The following DST variants were observed in gnomAD, a reference collection of about 807,000 sequenced individuals.
DST encodes the protein dystonin.
A neutral mutation model predicts 875.2 loss-of-function variants in DST; 253 were observed. The observed-to-expected ratio is 0.29, with a 90% CI of 0.26 to 0.32. The LOEUF is 0.32. Among genes scored for constraint, DST ranks in the 10% least tolerant of loss-of-function variants. The pLI, the probability that DST is intolerant of heterozygous loss-of-function variation, is 1.00. For synonymous variants in DST, 3,124 were observed against 3,197.1 expected (o/e 0.98, Z 0.77); for missense variants, 8,287 against 9,111.6 (o/e 0.91, Z 3.68).
chr6:56,478,195 T>C (rs573318283), intron 90 of DST, among the ~76,000 whole-genome samples: 2 of 152,316 alleles, frequency 1.3e-5, no homozygotes, highest in East Asian at 3.9e-4. Context: ...AGGAGGTTAA[T>C]ATTTAAAATA....
chr6:56,526,635 G>A, intron 68 of DST, 68 bp from the exon 69 acceptor site: 2 of 1,436,178 alleles, frequency 1.4e-6, no homozygotes, highest in Non-Finnish European at 1.9e-6. Flanking sequence ...ACTGTTCTTG[G>A]AGCTCAAGTC....
intron 3 of DST, among the ~76,000 whole-genome samples, chr6:56,895,076 G>A (rs1367991842): frequency 9.6e-6 from 1 of 104,346 alleles, no homozygotes; most frequent in East Asian, 2.7e-4. Context: ...GCCGGGCAGA[G>A]GGGCTCCTCA....
chr6:56,654,586 CTA>C (rs138507484), intron 10 of DST, among the ~76,000 whole-genome samples: 146 of 132,460 alleles, frequency 1.1e-3, no homozygotes, highest in Admixed American at 1.0e-3. Flanking sequence ...CTCCCCTAGG[CTA>C]TATATATATA....
At chr6:56,742,377 C>G (rs751762190) in intron 4 of DST, 138 of 1,288,708 alleles carry the variant, frequency 1.1e-4, no homozygotes, top group Admixed American at 9.2e-5. Flanking sequence ...CCTAAACTCT[C>G]TCCGTACAAA....
Position 56,603,637 on chromosome 6 carries a change from T to G in DST, c.10868A>C (p.Lys3623Thr). 6.2e-7 allele frequency: 1 copy of G among 1,611,360 alleles called. No homozygotes were observed. The highest frequency in any genetic ancestry group is 2.2e-5 in the East Asian group (1 of 44,850). Reference protein sequence around the residue: ...HEYLTLLQDMKPPLDNQESLD... With the variant: ...HEYLTLLQDMTPPLDNQESLD... ...AGATTCCTGGTTGTCTAAGGGGGGT[T>G]TCATATCTTGAAGCAATGTCAAATA... is the stretch of plus-strand genomic sequence containing the variant. The change falls in exon 41 of 104, where the codon AAA (lysine) becomes ACA (threonine). Residue 3623 changes from lysine (K) to threonine (T), a missense_variant. Lys to Thr is a moderately conservative substitution (Grantham distance 78). Around this residue, in one of 10 missense-constraint regions of DST, gnomAD observed 3,138 missense variants for 3,116.6 expected, o/e 1.01. Coordinates refer to ENST00000680361, the MANE Select transcript of DST (RefSeq NM_001374736.1).
Position 56,458,936 on chromosome 6 carries a change from A to T in DST, c.*69T>A, listed in dbSNP as rs2094184957. 18 of 1,418,508 alleles carry T rather than the reference A, an allele frequency of 1.3e-5. No homozygotes were observed. In the South Asian group the frequency reaches 3.0e-4, roughly 24 times the overall value. 87.9% of individuals were successfully genotyped at this position (1,418,508 alleles called of 1,614,324 possible). On this transcript the variant is annotated 3_prime_UTR_variant, in exon 104 of 104. Coordinates refer to ENST00000680361, the MANE Select transcript of DST (RefSeq NM_001374736.1). ...TGCAATATTTCACAAGAATTTCTAC[A>T]CCATATTTTACATCGTTCAAACTTA...
chr6:56,512,820 T>C (rs1244754240), intron 72 of DST, among the ~76,000 whole-genome samples: 1 of 152,204 alleles, frequency 6.6e-6, no homozygotes, highest in Non-Finnish European at 1.5e-5. Flanking sequence ...AAGGGCTAAA[T>C]AAAGATGAAT....
chr6:56,627,371 C>CACAG, intron 33 of DST, 84 bp from the exon 34 acceptor site: 1 of 915,462 alleles, frequency 1.1e-6, no homozygotes, highest in Non-Finnish European at 1.8e-6. Flanking sequence ...TAAGACATAT[C>CACAG]TACATCACTT....
At chr6:56,897,678 G>T (rs1357165315) in intron 3 of DST, among the ~76,000 whole-genome samples, 1 of 152,114 alleles carries the variant, frequency 6.6e-6, no homozygotes, top group African/African-American at 2.4e-5. Context: ...AACCCTCTCA[G>T]ATTGTCTGTC....
intron 78 of DST, 37 bp downstream of exon 78, chr6:56,503,960 G>A (rs1243109560): frequency 1.4e-6 from 2 of 1,442,058 alleles, no homozygotes; most frequent in Admixed American, 1.9e-5. Flanking sequence ...ACTTAAAACT[G>A]CAAGGGAGTC....
chr6:56,554,891 C>A (rs149359332), intron 60 of DST, among the ~76,000 whole-genome samples: 250 of 152,240 alleles, frequency 1.6e-3, no homozygotes, highest in African/African-American at 5.8e-3. Context: ...AGAATTATAG[C>A]CACAGTGAGA....
chr6:56,800,960 C>T (rs1232244392), intron 4 of DST, among the ~76,000 whole-genome samples: 1 of 137,034 alleles, frequency 7.3e-6, no homozygotes, highest in African/African-American at 2.7e-5. Flanking sequence ...CTCAAGGCTA[C>T]AGTAAGCCAT....
In DST at chr6:56,607,451, A is replaced by G. The variant is rs1255097875; in HGVS notation, c.7177T>C (p.Phe2393Leu). 1.2e-6 allele frequency: 2 copies of G among 1,605,086 alleles called. No homozygotes were observed. Among genetic ancestry groups the G allele is most frequent in the East Asian group, 4.5e-5 (2 of 44,622 alleles). Residue 2393 changes from phenylalanine (F) to leucine (L), a missense_variant, in exon 40 of 104, where the codon TTT (phenylalanine) becomes CTT (leucine). Around this residue, in one of 10 missense-constraint regions of DST, gnomAD observed 3,138 missense variants for 3,116.6 expected, o/e 1.01. Transcript: ENST00000680361. Reference protein sequence around the residue: ...ECSHSKNIQNFPSDLIENPIM... With the variant: ...ECSHSKNIQNLPSDLIENPIM... ...GGATTTTCTATTAAATCACTTGGAA[A>G]GTTTTGAATGTTTTTAGAATGACTA...
chr6:56,902,608 C>T (rs1016470139), intron 2 of DST, among the ~76,000 whole-genome samples: 3 of 152,220 alleles, frequency 2.0e-5, no homozygotes, highest in Non-Finnish European at 4.4e-5. Flanking sequence ...TTGGCAAAAC[C>T]GAGGTCATTG....
chr6:56,779,688 T>C lies in DST; in HGVS notation c.626-44399A>G, dbSNP rs1488831891. Among the ~76,000 whole-genome samples, 3 of 151,824 alleles carry C rather than the reference T, an allele frequency of 2.0e-5. No individual in the cohort carries two copies. The East Asian group carries it at 5.8e-4, about 29-fold the overall frequency. On this transcript the variant is annotated intron_variant, in intron 4 of 103. Transcript: ENST00000680361. ...TTTGTCAGGTTTGTCAAAGATCAGATGGTTGTAGATATGTGGCATTAGTCT... is the reference window on the plus strand; with the variant it reads ...TTTGTCAGGTTTGTCAAAGATCAGACGGTTGTAGATATGTGGCATTAGTCT...
chr6:56,789,783 C>T (rs2099712720), intron 4 of DST, among the ~76,000 whole-genome samples: 1 of 152,162 alleles, frequency 6.6e-6, no homozygotes, highest in Non-Finnish European at 1.5e-5. Flanking sequence ...GTCCGAATTT[C>T]CTTCCTTTTT....
In DST at chr6:56,788,864, T is replaced by C. The variant is rs559713452; in HGVS notation, c.626-53575A>G. Among the ~76,000 whole-genome samples, 18 of 152,352 alleles carry C rather than the reference T, an allele frequency of 1.2e-4. No individual in the cohort carries two copies. In the East Asian group the frequency reaches 3.1e-3, roughly 26 times the overall value. On this transcript the variant is annotated intron_variant, in intron 4 of 103. Coordinates refer to ENST00000680361, the MANE Select transcript of DST (RefSeq NM_001374736.1). ...TGTTAAACTTTTGTAAGCATACTTA[T>C]ATTAAACTTGTTAAACTTTTGTACA...
At chr6:56,517,063 G>A (rs755272632) in intron 71 of DST, 135 bp downstream of exon 71, 1 of 693,256 alleles carries the variant, frequency 1.4e-6, no homozygotes, top group African/African-American at 1.8e-5. Context: ...CTTGAAAAAT[G>A]CCTTATTTAA....
intron 55 of DST, among the ~76,000 whole-genome samples, chr6:56,568,110 A>T (rs796227001): frequency 8.5e-5 from 13 of 152,326 alleles, no homozygotes; most frequent in African/African-American, 3.1e-4. Context: ...TTTCTTTATC[A>T]AATATTATAA....
Sources: allele counts gnomAD v4.1 joint callset (sites outside exome capture counted in the v4.1 genomes callset), GRCh38; gene constraint gnomAD v4.1.1; regional missense constraint gnomAD v4.1.1; transcripts MANE v1.5; gene names NCBI Gene and HGNC (gene_info 2026-07-23, HGNC 2026-07-21).